Variants in CDKAL1 observed in about 807,000 individuals in gnomAD.
CDKAL1 encodes CDKAL1 threonylcarbamoyladenosine tRNA methylthiotransferase.
CDKAL1 carries 32 observed loss-of-function variants against 68.2 expected under a neutral mutation model. The observed-to-expected ratio is 0.47, with a 90% CI of 0.35 to 0.63. The LOEUF is 0.63. Ranked by LOEUF, CDKAL1 falls within the 30% of genes least tolerant of loss-of-function variation. The pLI is 0.00. For synonymous variants in CDKAL1, 234 were observed against 244.3 expected, an observed-to-expected ratio of 0.96 and a Z score of 0.39; for missense variants, 606 against 696.7, an observed-to-expected ratio of 0.87 and a Z score of 1.47.
In CDKAL1 at chr6:20,543,144, TTGTC is replaced by T. The variant is rs577616247; in HGVS notation, c.-5-3199_-5-3196del. On this transcript the variant is annotated intron_variant, in intron 2 of 15. Transcript: ENST00000274695. ...GCTGTGAACATTCATGTACAGGTCT[TTGTC>T]TGAATACAAGTCTTTATTTCTCTTG... is the stretch of plus-strand genomic sequence containing the variant. 3.9e-3 allele frequency among the ~76,000 whole-genome samples: 601 copies of T among 152,356 alleles called. 3 individuals are homozygous for T. Among genetic ancestry groups the T allele is most frequent in the African/African-American group, 0.014 (578 of 41,574 alleles).
intron 5 of CDKAL1, among the ~76,000 whole-genome samples, chr6:20,734,149 GAAAA>G (rs869188862): frequency 1.9e-5 from 2 of 106,216 alleles, no homozygotes; most frequent in African/African-American, 6.8e-5. Flanking sequence ...ACTCTGTCTT[GAAAA>G]AAAAAAAAAA....
At chr6:20,621,925 T>C (rs1326854811) in intron 4 of CDKAL1, among the ~76,000 whole-genome samples, 1 of 152,056 alleles carries the variant, frequency 6.6e-6, no homozygotes, top group African/African-American at 2.4e-5. Context: ...TGGTGCTGGG[T>C]GTGCTTATTA....
intron 4 of CDKAL1, among the ~76,000 whole-genome samples, chr6:20,612,188 T>C (rs761950568): frequency 2.0e-5 from 3 of 152,248 alleles, no homozygotes; most frequent in Non-Finnish European, 4.4e-5. Context: ...AGCTTTGCTA[T>C]TGTGAGTAGT....
At chr6:21,137,846 A>T (rs971802893) in intron 13 of CDKAL1, among the ~76,000 whole-genome samples, 1 of 152,220 alleles carries the variant, frequency 6.6e-6, no homozygotes, top group Non-Finnish European at 1.5e-5. Flanking sequence ...AGGAGTGGAA[A>T]GCCTTAATAT....
intron 9 of CDKAL1, among the ~76,000 whole-genome samples, chr6:20,861,171 C>A (rs1433700014): frequency 1.3e-5 from 2 of 152,122 alleles, no homozygotes; most frequent in African/African-American, 4.8e-5. Context: ...TCAGAAATAA[C>A]AGTGGATCCC....
rs934457089 is a variant in CDKAL1 at position 20,989,041 on chromosome 6, G to A, written c.910-11186G>A. Among the ~76,000 whole-genome samples the A allele has an allele frequency of 3.3e-5, 5 of 151,802 alleles. 1 individual carries two copies. The highest frequency in any genetic ancestry group is 7.3e-5 in the African/African-American group (3 of 41,322). On this transcript the variant is annotated intron_variant, in intron 10 of 15. Coordinates refer to ENST00000274695, the MANE Select transcript of CDKAL1 (RefSeq NM_017774.3). ...TTTCATTGGCCATCCCAAGTCATATGGCTACTCCTGCCTATAGGCAGGGGT... is the reference window on the plus strand; with the variant it reads ...TTTCATTGGCCATCCCAAGTCATATAGCTACTCCTGCCTATAGGCAGGGGT...
At chr6:20,564,154 G>T (rs1764371905) in intron 4 of CDKAL1, among the ~76,000 whole-genome samples, 2 of 152,114 alleles carry the variant, frequency 1.3e-5, no homozygotes, top group Non-Finnish European at 1.5e-5. Context: ...TGCCTGTAAT[G>T]CTAGCTACTC....
intron 13 of CDKAL1, among the ~76,000 whole-genome samples, chr6:21,114,748 A>AAAAAG (rs1166486945): frequency 6.6e-5 from 10 of 152,194 alleles, no homozygotes; most frequent in African/African-American, 1.7e-4. Flanking sequence ...CAAAAAAAGA[A>AAAAAG]AAAAGAAAAG....
At chr6:20,611,848 T>C (rs576961245) in intron 4 of CDKAL1, among the ~76,000 whole-genome samples, 1 of 152,328 alleles carries the variant, frequency 6.6e-6, no homozygotes, top group Admixed American at 6.5e-5. Context: ...ACCTATTCTT[T>C]CTATCTAACT....
intron 9 of CDKAL1, among the ~76,000 whole-genome samples, chr6:20,916,690 A>G (rs1406847533): frequency 2.0e-5 from 3 of 152,234 alleles, no homozygotes; most frequent in Non-Finnish European, 4.4e-5. Context: ...TCACTAAATG[A>G]GGATCCATCA....
At chr6:21,176,641 T>C (rs1777582122) in intron 13 of CDKAL1, among the ~76,000 whole-genome samples, 3 of 151,766 alleles carry the variant, frequency 2.0e-5, no homozygotes, top group Admixed American at 2.0e-4. Flanking sequence ...AGGGTCTTCC[T>C]GTACCCGTAG....
intron 5 of CDKAL1, among the ~76,000 whole-genome samples, chr6:20,722,778 A>ATGGGC (rs1174502584): frequency 2.6e-5 from 4 of 152,130 alleles, no homozygotes; most frequent in Admixed American, 1.3e-4. Flanking sequence ...AAAACTACCT[A>ATGGGC]TGGGCTGCCC....
intron 5 of CDKAL1, among the ~76,000 whole-genome samples, chr6:20,706,102 G>A (rs1019884212): frequency 6.6e-6 from 1 of 152,180 alleles, no homozygotes; most frequent in African/African-American, 2.4e-5. Context: ...CAGGACAATA[G>A]GAGAGGTGGG....
intron 4 of CDKAL1, among the ~76,000 whole-genome samples, chr6:20,609,410 T>G (rs1766509249): frequency 6.7e-6 from 1 of 148,628 alleles, no homozygotes; most frequent in South Asian, 2.1e-4. Flanking sequence ...TCTTTTTTTT[T>G]TTTGAGATGG....
At chr6:20,935,472 A>G (rs1261792487) in intron 9 of CDKAL1, among the ~76,000 whole-genome samples, 2 of 149,934 alleles carry the variant, frequency 1.3e-5, no homozygotes, top group Non-Finnish European at 3.0e-5. Flanking sequence ...TCTGTTGCCC[A>G]GGCTAGAGTG....
At chr6:20,652,254 A>G (rs1768805479) in intron 5 of CDKAL1, among the ~76,000 whole-genome samples, 1 of 151,920 alleles carries the variant, frequency 6.6e-6, no homozygotes, top group African/African-American at 2.4e-5. Context: ...TTAAGTGTTA[A>G]CTATGTGTTC....
At chr6:20,842,062 C>G (rs1056126961) in intron 8 of CDKAL1, among the ~76,000 whole-genome samples, 5 of 152,160 alleles carry the variant, frequency 3.3e-5, no homozygotes, top group African/African-American at 1.2e-4. Flanking sequence ...TTCTCCTAGA[C>G]AATTATTTAA....
intron 2 of CDKAL1, among the ~76,000 whole-genome samples, chr6:20,536,534 A>G (rs1424207244): frequency 2.0e-5 from 3 of 152,160 alleles, no homozygotes; most frequent in Non-Finnish European, 2.9e-5. Flanking sequence ...TGTCTAGGTT[A>G]TGTATATTTG....
intron 9 of CDKAL1, among the ~76,000 whole-genome samples, chr6:20,868,730 A>G (rs1760037550): frequency 6.6e-6 from 1 of 152,200 alleles, no homozygotes; most frequent in Non-Finnish European, 1.5e-5. Flanking sequence ...ATCCTTATCA[A>G]ACTGAATTGG....
Sources: allele counts gnomAD v4.1 joint callset (sites outside exome capture counted in the v4.1 genomes callset), GRCh38; gene constraint gnomAD v4.1.1; transcripts MANE v1.5; gene names NCBI Gene and HGNC (gene_info 2026-07-23, HGNC 2026-07-21).